Variants in SHISA6 observed in about 807,000 individuals in gnomAD.
SHISA6 encodes shisa family member 6, also known as protein shisa-6.
SHISA6 carries 22 observed loss-of-function variants against 47.9 expected under a neutral mutation model. The observed-to-expected ratio is 0.46, with a 90% CI of 0.33 to 0.66. The LOEUF (loss-of-function observed/expected upper bound fraction) is 0.66. Ranked by LOEUF, SHISA6 falls within the 30% of genes least tolerant of loss-of-function variation. The pLI, the probability that SHISA6 is intolerant of heterozygous loss-of-function variation, is 0.02. For synonymous variants in SHISA6, 388 were observed against 337.8 expected (o/e 1.15, Z -1.63); for missense variants, 680 against 764.6 (o/e 0.89, Z 1.30).
intron 3 of SHISA6, among the ~76,000 whole-genome samples, chr17:11,391,073 G>A (rs1305107374): frequency 2.6e-5 from 4 of 152,148 alleles, no homozygotes; most frequent in African/African-American, 4.8e-5. Flanking sequence ...AGAAAGTGAC[G>A]GGCTGAGAAT....
chr17:11,423,105 TTTTA>T (rs1166482268), intron 3 of SHISA6, among the ~76,000 whole-genome samples: 1 of 151,754 alleles, frequency 6.6e-6, no homozygotes, highest in African/African-American at 2.4e-5. Context: ...CAGGATTAGA[TTTTA>T]TTTATCTCCC....
chr17:11,388,807 TATATATATATATATATATA>T (rs1377059942), intron 3 of SHISA6, among the ~76,000 whole-genome samples: 9 of 85,144 alleles, frequency 1.1e-4, no homozygotes, highest in African/African-American at 4.8e-4. Flanking sequence ...TATATATATA[TATATATATATATATATATA>T]TATATATATA....
At chr17:11,260,556 A>C (rs1370281947) in intron 1 of SHISA6, among the ~76,000 whole-genome samples, 3 of 148,998 alleles carry the variant, frequency 2.0e-5, no homozygotes, top group Non-Finnish European at 4.5e-5. Flanking sequence ...ATCGCATTTT[A>C]TCTCTGGATT....
rs369563476 is a variant in SHISA6 at position 11,524,053 on chromosome 17, GAAGA to G, written c.896-27830_896-27827del. ...AGAAAAGAAAAGAAAGAAAGAAAAA[GAAGA>G]AAGAAAGAAAGATGAAAGAAAGAAA... On this transcript the variant is annotated intron_variant, in intron 3 of 5. Transcript: ENST00000441885. 5.3e-3 allele frequency among the ~76,000 whole-genome samples: 786 copies of G among 149,420 alleles called. 4 individuals carry two copies. Among genetic ancestry groups the G allele is most frequent in the African/African-American group, 0.018 (743 of 40,568 alleles).
chr17:11,518,058 G>A (rs1435441224), intron 3 of SHISA6, among the ~76,000 whole-genome samples: 1 of 152,026 alleles, frequency 6.6e-6, no homozygotes, highest in Non-Finnish European at 1.5e-5. Context: ...TGTGTCTTAG[G>A]AAGGGCAGGG....
chr17:11,439,393 A>G (rs1407826569), intron 3 of SHISA6, among the ~76,000 whole-genome samples: 1 of 152,164 alleles, frequency 6.6e-6, no homozygotes, highest in Non-Finnish European at 1.5e-5. Flanking sequence ...CCCCCAAGCC[A>G]TGCTGCTCAG....
intron 2 of SHISA6, among the ~76,000 whole-genome samples, chr17:11,367,728 G>C (rs955020906): frequency 6.6e-6 from 1 of 152,152 alleles, no homozygotes; most frequent in Non-Finnish European, 1.5e-5. Flanking sequence ...GAATGAGATG[G>C]AGGCTGAGGA....
At chr17:11,295,777 C>T (rs1420742879) in intron 2 of SHISA6, among the ~76,000 whole-genome samples, 1 of 151,974 alleles carries the variant, frequency 6.6e-6, no homozygotes, top group Non-Finnish European at 1.5e-5. Flanking sequence ...TCCTGGCTAA[C>T]ACAGTGAAAC....
chr17:11,452,802 CTCT>C (rs1245773439), intron 3 of SHISA6, among the ~76,000 whole-genome samples: 3 of 149,688 alleles, frequency 2.0e-5, no homozygotes, highest in South Asian at 2.1e-4. Context: ...CCTTCATCCT[CTCT>C]TTTTTCCTCC....
At chr17:11,302,570 G>C (rs532915933) in intron 2 of SHISA6, among the ~76,000 whole-genome samples, 2 of 152,302 alleles carry the variant, frequency 1.3e-5, no homozygotes, top group South Asian at 2.1e-4. Context: ...TCCTTGCCAG[G>C]CCTAAGCTTT....
intron 3 of SHISA6, among the ~76,000 whole-genome samples, chr17:11,400,295 AT>A (rs1360154831): frequency 6.6e-6 from 1 of 152,198 alleles, no homozygotes; most frequent in Non-Finnish European, 1.5e-5. Flanking sequence ...CAAACCCAGC[AT>A]CTCCTAAGGT....
intron 3 of SHISA6, among the ~76,000 whole-genome samples, chr17:11,536,119 G>A (rs1233986588): frequency 6.6e-6 from 1 of 152,128 alleles, no homozygotes; most frequent in Non-Finnish European, 1.5e-5. Flanking sequence ...CCAGGCACCA[G>A]AGTCAGAATT....
intron 3 of SHISA6, among the ~76,000 whole-genome samples, chr17:11,513,667 G>T (rs1167983488): frequency 6.6e-6 from 1 of 152,118 alleles, no homozygotes; most frequent in Non-Finnish European, 1.5e-5. Context: ...ATAGAAACTT[G>T]CAGACAAGAT....
At chr17:11,545,121 C>A (rs2071872944) in intron 3 of SHISA6, among the ~76,000 whole-genome samples, 2 of 149,994 alleles carry the variant, frequency 1.3e-5, no homozygotes, top group Admixed American at 1.3e-4. Flanking sequence ...AAACTGAAAA[C>A]AACCCATATG....
At position 11,353,254 on chromosome 17, in the gene SHISA6, C is replaced by T. The variant is rs571665831; in HGVS notation, c.800-26160C>T. 2.7e-4 allele frequency among the ~76,000 whole-genome samples: 41 copies of T among 152,132 alleles called. No homozygotes were observed. In the Middle Eastern group the frequency reaches 0.01, roughly 38 times the overall value. ...CTGGCGGATCACGAGGTCAGGAGTT[C>T]GAGGCCAGCCTGGCCAAGATGGTGA... On this transcript the variant is annotated intron_variant, in intron 2 of 5. Coordinates refer to ENST00000441885, the MANE Select transcript of SHISA6 (RefSeq NM_207386.4).
intron 3 of SHISA6, among the ~76,000 whole-genome samples, chr17:11,491,639 C>G (rs952898951): frequency 7.9e-5 from 12 of 151,960 alleles, no homozygotes; most frequent in South Asian, 4.2e-4. Context: ...TTAGGTTGGA[C>G]TATGGAGGAG....
chr17:11,482,589 T>C (rs1916249527), intron 3 of SHISA6, among the ~76,000 whole-genome samples: 1 of 152,230 alleles, frequency 6.6e-6, no homozygotes, highest in Non-Finnish European at 1.5e-5. Context: ...ACTATCGCAT[T>C]GCTAGTGAAC....
intron 3 of SHISA6, among the ~76,000 whole-genome samples, chr17:11,506,934 A>C (rs2969181): frequency 0.48 from 71,962 of 151,486 alleles, 17,278 homozygotes; most frequent in African/African-American, 0.56. Context: ...GAGAGGAGAA[A>C]CAGTGTAATA....
intron 1 of SHISA6, among the ~76,000 whole-genome samples, chr17:11,251,845 T>G (rs866019299): frequency 6.6e-6 from 1 of 152,104 alleles, no homozygotes; most frequent in Non-Finnish European, 1.5e-5. Context: ...TGGGACACTC[T>G]TAATAGCCTG....
Sources: gnomAD v4.1 joint callset for allele counts (sites outside exome capture counted in the v4.1 genomes callset) on GRCh38, gnomAD v4.1.1 for gene constraint, MANE v1.5 for transcripts, NCBI Gene and HGNC (gene_info 2026-07-23, HGNC 2026-07-21) for gene names.